The following MGLL variants were observed in gnomAD, a reference collection of about 807,000 sequenced individuals.
MGLL encodes monoglyceride lipase, also known as lysophospholipase homolog.
A neutral mutation model predicts 29.1 loss-of-function variants in MGLL; 7 were observed. That is an observed-to-expected ratio of 0.24 (90% CI 0.14 to 0.45). The LOEUF is 0.45. Among genes scored for constraint, MGLL ranks in the 20% least tolerant of loss-of-function variants. The probability of loss-of-function intolerance (pLI) is 0.99; values close to 1 mark genes in which losing one functional copy is unlikely to be tolerated. For missense variants in MGLL, 356 were observed against 413.6 expected (o/e 0.86, Z 1.21); for synonymous variants, 148 against 168.3 (o/e 0.88, Z 0.93).
chr3:127,701,173 C>CCACTG (rs1192969640), intron 6 of MGLL, among the ~76,000 whole-genome samples: 1 of 144,882 alleles, frequency 6.9e-6, no homozygotes, highest in Non-Finnish European at 1.5e-5. Flanking sequence ...TGAGATCACG[C>CCACTG]CACTGCACTC....
chr3:127,744,878 A>G (rs2076413239), intron 3 of MGLL, among the ~76,000 whole-genome samples: 1 of 152,228 alleles, frequency 6.6e-6, no homozygotes, highest in African/African-American at 2.4e-5. Context: ...CCTGACCCAG[A>G]TTTTGCAGAA....
At chr3:127,729,864 C>T (rs1032366133) in intron 3 of MGLL, among the ~76,000 whole-genome samples, 13 of 152,202 alleles carry the variant, frequency 8.5e-5, no homozygotes, top group African/African-American at 1.2e-4. Flanking sequence ...GCATCACTCC[C>T]ATGCTTTGAC....
chr3:127,769,360 G>A (rs13319109), intron 3 of MGLL, among the ~76,000 whole-genome samples: 14 of 149,502 alleles, frequency 9.4e-5, no homozygotes, highest in African/African-American at 9.8e-5. Context: ...CAAAAAAAAA[G>A]AAAAAAAAAA....
At chr3:127,692,517 G>A (rs374933681) in intron 7 of MGLL, among the ~76,000 whole-genome samples, 194 bp from the exon 8 acceptor site, 4 of 152,186 alleles carry the variant, frequency 2.6e-5, no homozygotes, top group Admixed American at 1.3e-4. Flanking sequence ...GTGTTACAAT[G>A]TCCCAGTGTG....
chr3:127,746,486 T>A (rs552784363), intron 3 of MGLL, among the ~76,000 whole-genome samples: 1 of 152,146 alleles, frequency 6.6e-6, no homozygotes, highest in South Asian at 2.1e-4. Flanking sequence ...GGGGGCCTCA[T>A]CCACACAGAA....
chr3:127,738,530 A>T (rs57454546), intron 3 of MGLL, among the ~76,000 whole-genome samples: 16,090 of 152,194 alleles, frequency 0.11, 939 homozygotes, highest in African/African-American at 0.16. Flanking sequence ...AACCATGGAC[A>T]GGCAGAAGGA....
intron 3 of MGLL, among the ~76,000 whole-genome samples, chr3:127,750,815 T>C (rs988110438): frequency 2.6e-5 from 4 of 152,186 alleles, no homozygotes; most frequent in African/African-American, 9.7e-5. Flanking sequence ...CAACTGTACA[T>C]ATGCACAGTA....
At chr3:127,812,164 T>C (rs1486408333) in intron 2 of MGLL, among the ~76,000 whole-genome samples, 1 of 152,238 alleles carries the variant, frequency 6.6e-6, no homozygotes, top group Non-Finnish European at 1.5e-5. Flanking sequence ...ATTGACTGGA[T>C]GCTCTAAGGA....
At chr3:127,727,092 T>C (rs1576511639) in intron 3 of MGLL, among the ~76,000 whole-genome samples, 1 of 152,346 alleles carries the variant, frequency 6.6e-6, no homozygotes, top group South Asian at 2.1e-4. Context: ...TCTGATTGTT[T>C]CCCGTCATGG....
At chr3:127,726,181 AAAGAAAAG>A (rs2076036921) in intron 3 of MGLL, among the ~76,000 whole-genome samples, 16 of 50,008 alleles carry the variant, frequency 3.2e-4, no homozygotes, top group Non-Finnish European at 6.1e-4. Context: ...AGAAAGAAAG[AAAGAAAAG>A]AAAAGAAAGA....
intron 5 of MGLL, chr3:127,712,010 CG>C: frequency 6.6e-6 from 1 of 152,388 alleles, no homozygotes; most frequent in Middle Eastern, 3.4e-3. Context: ...GCGTAAGCCA[CG>C]GCGCCCGGCC....
intron 3 of MGLL, among the ~76,000 whole-genome samples, chr3:127,730,973 C>T (rs1176460256): frequency 2.6e-5 from 4 of 152,172 alleles, no homozygotes; most frequent in Admixed American, 6.5e-5. Flanking sequence ...GTTCCTGGCA[C>T]GGGCCTGGCA....
chr3:127,751,342 C>G (rs1176449304), intron 3 of MGLL, among the ~76,000 whole-genome samples: 1 of 151,762 alleles, frequency 6.6e-6, no homozygotes, highest in Non-Finnish European at 1.5e-5. Flanking sequence ...CAACACAATG[C>G]AGCAAAGGTG....
chr3:127,807,044 G>A (rs1264170474), intron 2 of MGLL, among the ~76,000 whole-genome samples: 1 of 152,092 alleles, frequency 6.6e-6, no homozygotes, highest in Non-Finnish European at 1.5e-5. Context: ...CTATTTTTTG[G>A]AAAGGTTTGT....
At chr3:127,775,501 A>ACC (rs1426323018) in intron 3 of MGLL, among the ~76,000 whole-genome samples, 4 of 151,056 alleles carry the variant, frequency 2.6e-5, no homozygotes, top group African/African-American at 9.7e-5. Context: ...ACTGGATAGG[A>ACC]CCCACCCGCC....
Position 127,822,403 on chromosome 3 carries a change from C to T in MGLL, c.-85G>A. ...TCGGGCTGTTCCCTCATCTGGGCGG[C>T]CCCAAGGCAGCAGGAAGGCAGCTCC... On this transcript the variant is annotated 5_prime_UTR_variant, in exon 1 of 8. Coordinates refer to ENST00000265052, the MANE Select transcript of MGLL (RefSeq NM_007283.7). 1 of 1,470,154 alleles carries T rather than the reference C, an allele frequency of 6.8e-7. No homozygotes were observed. The highest frequency in any genetic ancestry group is 1.4e-5 in the African/African-American group (1 of 71,660). 91.1% of individuals were successfully genotyped at this position (1,470,154 alleles called of 1,614,324 possible).
At chr3:127,815,230 T>A (rs575742478) in intron 2 of MGLL, among the ~76,000 whole-genome samples, 1 of 152,354 alleles carries the variant, frequency 6.6e-6, no homozygotes, top group East Asian at 1.9e-4. Context: ...CCCATGGCTG[T>A]GTCAACAAAT....
intron 3 of MGLL, among the ~76,000 whole-genome samples, chr3:127,772,954 A>G (rs1327314302): frequency 6.6e-6 from 1 of 152,154 alleles, no homozygotes; most frequent in East Asian, 1.9e-4. Context: ...TTGACCTTGG[A>G]CTTCCCAGCC....
chr3:127,788,777 G>T (rs2077256365), intron 2 of MGLL, among the ~76,000 whole-genome samples: 1 of 152,180 alleles, frequency 6.6e-6, no homozygotes, highest in African/African-American at 2.4e-5. Context: ...GGGCGTGTAG[G>T]CCCTGTGTTC....
Sources: allele counts gnomAD v4.1 joint callset (sites outside exome capture counted in the v4.1 genomes callset), GRCh38; gene constraint gnomAD v4.1.1; transcripts MANE v1.5; gene names NCBI Gene and HGNC (gene_info 2026-07-23, HGNC 2026-07-21).